Variants in RABGAP1L observed in about 807,000 individuals in gnomAD.
The protein encoded by RABGAP1L is RAB GTPase activating protein 1 like.
In RABGAP1L, 63 loss-of-function variants were observed where a neutral mutation model predicts 137.7. The observed-to-expected ratio is 0.46, with a 90% CI of 0.37 to 0.56. The LOEUF (loss-of-function observed/expected upper bound fraction) is 0.56, where lower values mean the gene tolerates loss of function less well. RABGAP1L is among the 20% of genes least tolerant of loss of function. The probability of loss-of-function intolerance (pLI) is 0.00; values close to 1 mark genes in which losing one functional copy is unlikely to be tolerated. For synonymous variants in RABGAP1L, 431 were observed against 433.7 expected (o/e 0.99, Z 0.08); for missense variants, 1,095 against 1,244.0 (o/e 0.88, Z 1.80).
At chr1:174,292,329 C>CTTTTTTTTTTT (rs61636433) in intron 10 of RABGAP1L, among the ~76,000 whole-genome samples, 2 of 50,600 alleles carry the variant, frequency 4.0e-5, no homozygotes, top group Non-Finnish European at 7.0e-5. Context: ...CCTACCTAAT[C>CTTTTTTTTTTT]TTTTTTTTTT....
At chr1:174,403,109 AAAT>A (rs1648807455) in intron 13 of RABGAP1L, among the ~76,000 whole-genome samples, 1 of 152,010 alleles carries the variant, frequency 6.6e-6, no homozygotes. Flanking sequence ...AAGCTTTTAG[AAAT>A]AATAATGCCA....
At chr1:174,210,195 A>G (rs1259524645) in intron 1 of RABGAP1L, among the ~76,000 whole-genome samples, 4 of 152,204 alleles carry the variant, frequency 2.6e-5, no homozygotes, top group African/African-American at 9.6e-5. Flanking sequence ...GCCCAGACGC[A>G]GATGAACATC....
intron 10 of RABGAP1L, among the ~76,000 whole-genome samples, chr1:174,292,096 G>T (rs993152342): frequency 4.7e-5 from 7 of 149,226 alleles, no homozygotes; most frequent in Non-Finnish European, 1.0e-4. Context: ...GGAGTGCAGT[G>T]GCACGACCAT....
chr1:174,288,939 T>C (rs1676324752), intron 10 of RABGAP1L, among the ~76,000 whole-genome samples: 1 of 152,164 alleles, frequency 6.6e-6, no homozygotes, highest in South Asian at 2.1e-4. Flanking sequence ...AAGTGACTCA[T>C]CTTTGAGTTC....
At chr1:174,805,826 TAG>T (rs1438891736) in intron 18 of RABGAP1L, among the ~76,000 whole-genome samples, 1 of 152,198 alleles carries the variant, frequency 6.6e-6, no homozygotes, top group Non-Finnish European at 1.5e-5. Flanking sequence ...TAAAAGCTGG[TAG>T]AGTTATTTTC....
At chr1:174,983,170 A>G (rs1209900275) in intron 24 of RABGAP1L, among the ~76,000 whole-genome samples, 1 of 152,150 alleles carries the variant, frequency 6.6e-6, no homozygotes, top group East Asian at 1.9e-4. Flanking sequence ...GAAGCCCCAG[A>G]GCTTGAGATG....
intron 11 of RABGAP1L, among the ~76,000 whole-genome samples, chr1:174,366,829 C>G (rs1456666349): frequency 6.9e-6 from 1 of 144,136 alleles, no homozygotes; most frequent in Non-Finnish European, 1.5e-5. Flanking sequence ...CTAACAGTAT[C>G]TTTCTGCCAT....
chr1:174,711,288 A>G (rs960591959), intron 17 of RABGAP1L, among the ~76,000 whole-genome samples: 1 of 151,956 alleles, frequency 6.6e-6, no homozygotes, highest in South Asian at 2.1e-4. Context: ...GGGCTCCCAC[A>G]GTGCAGCGGT....
chr1:174,699,991 A>C (rs561206337), intron 16 of RABGAP1L, among the ~76,000 whole-genome samples: 4 of 152,202 alleles, frequency 2.6e-5, no homozygotes, highest in African/African-American at 7.2e-5. Flanking sequence ...AGCTTTCTGC[A>C]TACTAATTAG....
chr1:174,377,743 C>A (rs1685678527), intron 12 of RABGAP1L, among the ~76,000 whole-genome samples: 1 of 137,792 alleles, frequency 7.3e-6, no homozygotes, highest in Non-Finnish European at 1.5e-5. Flanking sequence ...GAAAGCGTAG[C>A]ATAGCAACTG....
In RABGAP1L at chr1:174,704,333, T is replaced by C. The variant is rs1027318763; in HGVS notation, c.2169+2077T>C. ...TTAATCACACTAGGAATTAGAAGTT[T>C]AAATGTAAAAATAAGATTTAAAAGA... On this transcript the variant is annotated intron_variant, in intron 17 of 25. Transcript: ENST00000681986. 3.3e-5 allele frequency among the ~76,000 whole-genome samples: 5 copies of C among 152,332 alleles called. No homozygotes were observed. The East Asian group carries it at 9.6e-4, about 29-fold the overall frequency.
intron 12 of RABGAP1L, among the ~76,000 whole-genome samples, chr1:174,378,163 A>C (rs1256544457): frequency 6.8e-6 from 1 of 146,336 alleles, no homozygotes; most frequent in Non-Finnish European, 1.5e-5. Context: ...TATGTGCCAC[A>C]TTTTCTTAAT....
intron 13 of RABGAP1L, among the ~76,000 whole-genome samples, chr1:174,602,053 A>T (rs1670456899): frequency 6.6e-6 from 1 of 151,996 alleles, no homozygotes; most frequent in African/African-American, 2.4e-5. Flanking sequence ...ACATTTTCCC[A>T]TCTTCTTCTG....
chr1:174,241,719 C>G (rs1454921458), intron 5 of RABGAP1L, 62 bp downstream of exon 5: 2 of 1,274,712 alleles, frequency 1.6e-6, no homozygotes, highest in South Asian at 1.5e-5. Context: ...TTTTTGAGCT[C>G]TAATTTCACT....
intron 11 of RABGAP1L, among the ~76,000 whole-genome samples, chr1:174,369,832 A>C (rs749217965): frequency 6.6e-6 from 1 of 152,150 alleles, no homozygotes; most frequent in Non-Finnish European, 1.5e-5. Flanking sequence ...TTTTTGCATT[A>C]AATGTCCCTT....
chr1:174,435,328 A>G (rs545353930), intron 13 of RABGAP1L, among the ~76,000 whole-genome samples: 39 of 152,256 alleles, frequency 2.6e-4, no homozygotes, highest in Admixed American at 3.9e-4. Flanking sequence ...ATCTTTGTCT[A>G]TCCTTAAGTT....
chr1:174,602,717 C>T (rs370560621), intron 13 of RABGAP1L, among the ~76,000 whole-genome samples: 59 of 152,088 alleles, frequency 3.9e-4, no homozygotes, highest in African/African-American at 1.3e-3. Context: ...TTGATCAGTT[C>T]GACTATTGAG....
chr1:174,532,955 C>A (rs561344544), intron 13 of RABGAP1L, among the ~76,000 whole-genome samples: 1 of 152,300 alleles, frequency 6.6e-6, no homozygotes, highest in South Asian at 2.1e-4. Flanking sequence ...AACACTATAG[C>A]CGGGCACAGT....
chr1:174,856,886 C>T (rs1322190150), intron 19 of RABGAP1L, among the ~76,000 whole-genome samples: 3 of 151,418 alleles, frequency 2.0e-5, no homozygotes, highest in Non-Finnish European at 4.4e-5. Flanking sequence ...AAGATCACCC[C>T]ACTGCATTCC....
Sources: allele counts gnomAD v4.1 joint callset (sites outside exome capture counted in the v4.1 genomes callset), GRCh38; gene constraint gnomAD v4.1.1; transcripts MANE v1.5; gene names NCBI Gene and HGNC (gene_info 2026-07-23, HGNC 2026-07-21).